The following SESTD1 variants were observed in gnomAD, a reference collection of about 807,000 sequenced individuals.
The protein encoded by SESTD1 is SEC14 domain and spectrin repeat-containing protein 1.
A neutral mutation model predicts 101.7 loss-of-function variants in SESTD1; 43 were observed. The observed-to-expected ratio is 0.42, with a 90% CI of 0.33 to 0.55. The LOEUF (loss-of-function observed/expected upper bound fraction) is 0.55. Among genes scored for constraint, SESTD1 ranks in the 20% least tolerant of loss-of-function variants. SESTD1 has a pLI of 0.07. For synonymous variants in SESTD1, 283 were observed against 286.8 expected (o/e 0.99, Z 0.13); for missense variants, 647 against 815.1 (o/e 0.79, Z 2.51).
chr2:179,241,624 T>TA (rs2047154676), intron 1 of SESTD1, among the ~76,000 whole-genome samples: 2 of 5,072 alleles, frequency 3.9e-4, no homozygotes, highest in Non-Finnish European at 3.0e-3. Flanking sequence ...ACTCTCATCT[T>TA]TAAAAAAAAA....
chr2:179,224,591 C>T (rs757248566), intron 1 of SESTD1, among the ~76,000 whole-genome samples: 22 of 152,114 alleles, frequency 1.4e-4, no homozygotes, highest in Non-Finnish European at 3.1e-4. Context: ...GGGAAATCAA[C>T]CCTGTGAATA....
chr2:179,246,254 C>CAAAAAAA (rs60185738), intron 1 of SESTD1, among the ~76,000 whole-genome samples: 8 of 73,696 alleles, frequency 1.1e-4, no homozygotes, highest in Non-Finnish European at 1.2e-4. Flanking sequence ...GACTCCATCT[C>CAAAAAAA]AAAAAAAAAA....
rs919962999 is a variant in SESTD1, at chr2:179,224,600, T to C, written c.-25-32734A>G. 2.0e-4 allele frequency among the ~76,000 whole-genome samples: 31 copies of C among 152,146 alleles called. 1 individual carries two copies. Among genetic ancestry groups the C allele is most frequent in the Admixed American group, 2.0e-3 (31 of 15,272 alleles). On this transcript the variant is annotated intron_variant, in intron 1 of 17. Coordinates refer to ENST00000428443, the MANE Select transcript of SESTD1 (RefSeq NM_178123.5). ...TTGCCAGGGAAATCAACCCTGTGAA[T>C]AAAGAGTTGGAACTTTCAGTCCAAC...
chr2:179,167,185 GA>G (rs1417179586), intron 5 of SESTD1, among the ~76,000 whole-genome samples: 1 of 152,186 alleles, frequency 6.6e-6, no homozygotes, highest in African/African-American at 2.4e-5. Context: ...TTTCAGCAAA[GA>G]GATAGAAACT....
intron 1 of SESTD1, among the ~76,000 whole-genome samples, chr2:179,258,577 A>C (rs2047434588): frequency 6.6e-6 from 1 of 152,218 alleles, no homozygotes; most frequent in Non-Finnish European, 1.5e-5. Flanking sequence ...AAGGCAATTA[A>C]ATTATAACGC....
At chr2:179,112,275 G>A (rs2154393661) in intron 17 of SESTD1, among the ~76,000 whole-genome samples, 1 of 152,284 alleles carries the variant, frequency 6.6e-6, no homozygotes, top group South Asian at 2.1e-4. Context: ...GTGGGCCTCA[G>A]TTTCTTCATT....
intron 1 of SESTD1, among the ~76,000 whole-genome samples, chr2:179,209,557 C>T (rs1453156017): frequency 1.5e-5 from 2 of 134,610 alleles, no homozygotes; most frequent in African/African-American, 2.9e-5. Flanking sequence ...GAAATTAATT[C>T]CAAAAGGAAT....
chr2:179,243,575 C>A (rs1559159057), intron 1 of SESTD1, among the ~76,000 whole-genome samples: 2 of 152,126 alleles, frequency 1.3e-5, no homozygotes, highest in South Asian at 4.2e-4. Flanking sequence ...TACTATGTAG[C>A]CATAAAAAAG....
At chr2:179,113,831 A>C (rs907105978) in intron 16 of SESTD1, among the ~76,000 whole-genome samples, 1 of 150,828 alleles carries the variant, frequency 6.6e-6, no homozygotes, top group Non-Finnish European at 1.5e-5. Flanking sequence ...ATGCCACTGC[A>C]CTCCAGCCTG....
intron 1 of SESTD1, among the ~76,000 whole-genome samples, chr2:179,220,039 A>C (rs1206044225): frequency 6.6e-6 from 1 of 152,166 alleles, no homozygotes; most frequent in Non-Finnish European, 1.5e-5. Flanking sequence ...CTTAAGAGAC[A>C]AAAAAATCTA....
chr2:179,230,113 CTTTTTTTTTTTTTTTTTTTTTTTTT>C lies in SESTD1; in HGVS notation c.-26+34361_-26+34385del, dbSNP rs71023474. Among the ~76,000 whole-genome samples the C allele has an allele frequency of 5.3e-5, 3 of 56,404 alleles. 1 individual carries two copies. The highest frequency in any genetic ancestry group is 1.2e-4 in the African/African-American group (2 of 16,280). The allele number at this position is 56,404 out of a possible 152,430, so 37.0% of individuals were successfully genotyped here. On this transcript the variant is annotated intron_variant, in intron 1 of 17. Coordinates refer to ENST00000428443, the MANE Select transcript of SESTD1 (RefSeq NM_178123.5). ...AAATATTCCAAACTGGATTGTATCT[CTTTTTTTTTTTTTTTTTTTTTTTTT>C]TTTTTTTTTTTTTGAGACAGGGTCT...
chr2:179,248,868 C>T (rs529955085), intron 1 of SESTD1, among the ~76,000 whole-genome samples: 2 of 151,460 alleles, frequency 1.3e-5, no homozygotes, highest in Admixed American at 1.3e-4. Context: ...ATTGCTTTAG[C>T]CCAGGAGTTC....
chr2:179,187,144 C>G (rs1399464603), intron 2 of SESTD1, among the ~76,000 whole-genome samples: 1 of 152,086 alleles, frequency 6.6e-6, no homozygotes, highest in African/African-American at 2.4e-5. Context: ...AAAAGAACAC[C>G]TGCTACTACA....
chr2:179,112,476 G>A (rs1469314731), intron 17 of SESTD1, among the ~76,000 whole-genome samples: 1 of 152,216 alleles, frequency 6.6e-6, no homozygotes, highest in African/African-American at 2.4e-5. Flanking sequence ...AGAACCCAGT[G>A]TCTTAATCTA....
intron 7 of SESTD1, among the ~76,000 whole-genome samples, chr2:179,146,731 T>C (rs2045404151): frequency 2.0e-5 from 3 of 152,208 alleles, no homozygotes; most frequent in Non-Finnish European, 4.4e-5. Flanking sequence ...TTCAAATATA[T>C]CAAAGAAGTC....
rs977441821 is a variant in SESTD1 at position 179,108,677 on chromosome 2, T to G, written c.*1222A>C. ...ACCAGTATACAACTCGTTTATAATT[T>G]TGTAATGACTACAAGACTAAAAAAT... On this transcript the variant is annotated 3_prime_UTR_variant, in exon 18 of 18. Transcript: ENST00000428443. The G allele has an allele frequency of 1.3e-5, 2 of 151,988 alleles. No homozygotes were observed. The highest frequency in any genetic ancestry group is 2.1e-4 in the South Asian group (1 of 4,824). 9.4% of individuals were successfully genotyped at this position (151,988 alleles called of 1,614,324 possible).
intron 2 of SESTD1, among the ~76,000 whole-genome samples, chr2:179,187,614 G>A (rs192005652): frequency 6.6e-6 from 1 of 152,128 alleles, no homozygotes; most frequent in Admixed American, 6.5e-5. Context: ...AGCCTGGGTG[G>A]CAGAACGAGA....
Position 179,124,627 on chromosome 2 carries a change from T to G in SESTD1, c.973-69A>C, listed in dbSNP as rs182109470. On this transcript the variant is annotated intron_variant, in intron 10 of 17. Coordinates refer to ENST00000428443, the MANE Select transcript of SESTD1 (RefSeq NM_178123.5). ...TCCTGGAAGAGATTACATTTTATAA[T>G]TTCTCCAGATAAACTAAGTAATACA... is the stretch of plus-strand genomic sequence containing the variant. 6 of 1,310,820 alleles carry G rather than the reference T, an allele frequency of 4.6e-6. No homozygotes were observed. The East Asian group carries it at 1.5e-4, about 32-fold the overall frequency. The allele number at this position is 1,310,820 out of a possible 1,614,324, so 81.2% of individuals were successfully genotyped here. A position where few individuals can be genotyped will look rare whatever the true frequency, so the allele number is the denominator to read the frequency against.
At chr2:179,233,773 G>T (rs2047020457) in intron 1 of SESTD1, among the ~76,000 whole-genome samples, 1 of 152,170 alleles carries the variant, frequency 6.6e-6, no homozygotes, top group Admixed American at 6.5e-5. Flanking sequence ...TTTTTATACA[G>T]AGATAGATAC....
Sources: allele counts gnomAD v4.1 joint callset (sites outside exome capture counted in the v4.1 genomes callset), GRCh38; gene constraint gnomAD v4.1.1; transcripts MANE v1.5; gene names NCBI Gene and HGNC (gene_info 2026-07-23, HGNC 2026-07-21).